PELI2: variants seen among roughly 807,000 people sequenced by gnomAD.
PELI2 encodes the protein E3 ubiquitin-protein ligase pellino homolog 2.
PELI2 carries 23 observed loss-of-function variants against 42.3 expected under a neutral mutation model. The observed-to-expected ratio is 0.54, with a 90% CI of 0.39 to 0.77. PELI2 has a LOEUF of 0.77. Ranked by LOEUF, PELI2 falls within the 30% of genes least tolerant of loss-of-function variation. The pLI, the probability that PELI2 is intolerant of heterozygous loss-of-function variation, is 0.00. For synonymous variants in PELI2, 245 were observed against 212.2 expected (o/e 1.15, Z -1.34); for missense variants, 463 against 553.2 (o/e 0.84, Z 1.64).
chr14:56,256,325 A>C (rs10146587), intron 2 of PELI2, among the ~76,000 whole-genome samples: 8 of 151,982 alleles, frequency 5.3e-5, no homozygotes, highest in African/African-American at 1.9e-4. Context: ...AGTCCCAGCT[A>C]CTCTGGAGGC....
rs1192630460 is a variant in PELI2, at chr14:56,300,420, C to T, written c.*3254C>T. ...ACTGTATTGGGAAACTTGAGGAGAA[C>T]TCTTTAGTTCATAAAGCTTCAATGT... On this transcript the variant is annotated 3_prime_UTR_variant, in exon 6 of 6. Coordinates refer to ENST00000267460, the MANE Select transcript of PELI2 (RefSeq NM_021255.3). The T allele has an allele frequency of 2.6e-5, 4 of 151,200 alleles. No homozygotes were observed. Among genetic ancestry groups the T allele is most frequent in the Non-Finnish European group, 5.9e-5 (4 of 67,848 alleles). The allele number at this position is 151,200 out of a possible 1,614,324, so 9.4% of individuals were successfully genotyped here. A position where few individuals can be genotyped will look rare whatever the true frequency, so the allele number is the denominator to read the frequency against.
intron 1 of PELI2, among the ~76,000 whole-genome samples, chr14:56,136,650 T>C (rs763490259): frequency 6.6e-6 from 1 of 152,222 alleles, no homozygotes; most frequent in Non-Finnish European, 1.5e-5. Flanking sequence ...TAGTGTAACT[T>C]AGTGAGTGTC....
At chr14:56,272,205 A>G (rs1387257390) in intron 2 of PELI2, among the ~76,000 whole-genome samples, 3 of 152,230 alleles carry the variant, frequency 2.0e-5, no homozygotes, top group Admixed American at 1.3e-4. Flanking sequence ...ATAATAGTCA[A>G]CTTCCGGGAT....
rs1436419412 is a variant in PELI2 at position 56,239,142 on chromosome 14, G to A, written c.208-40534G>A. Among the ~76,000 whole-genome samples, 3 of 152,266 alleles carry A rather than the reference G, an allele frequency of 2.0e-5. No homozygotes were observed. The East Asian group carries it at 5.8e-4, about 29-fold the overall frequency. On this transcript the variant is annotated intron_variant, in intron 2 of 5. Coordinates refer to ENST00000267460, the MANE Select transcript of PELI2 (RefSeq NM_021255.3). ...AGTATAAATTCATCTTTGTAAAAGG[G>A]CTACAATAATGAAAAACATTAATTA... is the stretch of plus-strand genomic sequence containing the variant.
chr14:56,172,811 A>C (rs1397438080), intron 1 of PELI2, among the ~76,000 whole-genome samples: 1 of 152,184 alleles, frequency 6.6e-6, no homozygotes, highest in Non-Finnish European at 1.5e-5. Context: ...CCAATGACTC[A>C]TTCTTTTCCA....
rs1247686622 is a variant in PELI2, at chr14:56,299,016, T to C, written c.*1850T>C. ...CTTTTGATTTAGCCAGAGTCTCTGA[T>C]GATTAGCTTTCACTGATAGAGTATG... On this transcript the variant is annotated 3_prime_UTR_variant, in exon 6 of 6. Transcript: ENST00000267460. 6.6e-6 allele frequency: 1 copy of C among 152,146 alleles called. No individual in the cohort carries two copies. The highest frequency in any genetic ancestry group is 6.5e-5 in the Admixed American group (1 of 15,284). The allele number at this position is 152,146 out of a possible 1,614,324, so 9.4% of individuals were successfully genotyped here. A position where few individuals can be genotyped will look rare whatever the true frequency, so the allele number is the denominator to read the frequency against.
At chr14:56,154,149 T>C (rs763173644) in intron 1 of PELI2, among the ~76,000 whole-genome samples, 4 of 152,372 alleles carry the variant, frequency 2.6e-5, no homozygotes, top group African/African-American at 9.6e-5. Flanking sequence ...GTTTTTCTTA[T>C]GCATATTAAA....
At chr14:56,214,708 T>C (rs562781899) in intron 2 of PELI2, among the ~76,000 whole-genome samples, 1 of 152,202 alleles carries the variant, frequency 6.6e-6, no homozygotes, top group Non-Finnish European at 1.5e-5. Flanking sequence ...TTGGGTGGAA[T>C]ACTGTATAGG....
intron 1 of PELI2, among the ~76,000 whole-genome samples, chr14:56,152,379 G>T (rs938115406): frequency 2.0e-5 from 3 of 152,162 alleles, no homozygotes; most frequent in Non-Finnish European, 4.4e-5. Context: ...TTGACACAAA[G>T]GAAGCATTAT....
Position 56,288,361 on chromosome 14 carries a change from A to G in PELI2, c.310-76A>G, listed in dbSNP as rs994694328. Reference sequence around the variant, plus strand: ...ATAGTGAATGTTAAAGGAATCCTGAATGCTTTTTCCTTGTGAATAAAATAC... The same window carrying G: ...ATAGTGAATGTTAAAGGAATCCTGAGTGCTTTTTCCTTGTGAATAAAATAC... On this transcript the variant is annotated intron_variant, in intron 3 of 5. Coordinates refer to ENST00000267460, the MANE Select transcript of PELI2 (RefSeq NM_021255.3). The surrounding 1 kb of genome is among the most constrained non-coding windows in gnomAD (Gnocchi z 4.6). 3 of 1,090,034 alleles carry G rather than the reference A, an allele frequency of 2.8e-6. No homozygotes were observed. The African/African-American group carries it at 4.6e-5, about 17-fold the overall frequency. 67.5% of individuals were successfully genotyped at this position (1,090,034 alleles called of 1,614,324 possible).
intron 2 of PELI2, among the ~76,000 whole-genome samples, chr14:56,255,034 G>C (rs1888478365): frequency 6.6e-6 from 1 of 152,178 alleles, no homozygotes; most frequent in African/African-American, 2.4e-5. Flanking sequence ...TTACACTGTT[G>C]GTGGGAGTGT....
chr14:56,135,854 G>C (rs1024915014), intron 1 of PELI2, among the ~76,000 whole-genome samples: 1 of 152,212 alleles, frequency 6.6e-6, no homozygotes, highest in Admixed American at 6.5e-5. Context: ...TTGGACTGTG[G>C]AAGTTTTAGG....
intron 1 of PELI2, among the ~76,000 whole-genome samples, chr14:56,157,427 G>A (rs767641887): frequency 6.6e-6 from 1 of 152,132 alleles, no homozygotes; most frequent in Non-Finnish European, 1.5e-5. Flanking sequence ...AAAGTCTTAT[G>A]AAGGGGATGA....
At chr14:56,191,067 GA>G (rs942013802) in intron 2 of PELI2, among the ~76,000 whole-genome samples, 9 of 152,190 alleles carry the variant, frequency 5.9e-5, no homozygotes, top group African/African-American at 2.2e-4. Flanking sequence ...CCCCTTTTGT[GA>G]AATCTGTGGT....
chr14:56,196,509 G>A (rs923141873), intron 2 of PELI2, among the ~76,000 whole-genome samples: 4 of 152,094 alleles, frequency 2.6e-5, no homozygotes, highest in Non-Finnish European at 5.9e-5. Context: ...TCACAGATGT[G>A]GCTGAAAGAA....
At chr14:56,210,664 C>T (rs939868866) in intron 2 of PELI2, among the ~76,000 whole-genome samples, 1 of 152,124 alleles carries the variant, frequency 6.6e-6, no homozygotes, top group Non-Finnish European at 1.5e-5. Context: ...TTGAAAGTCT[C>T]TGCAATTAAG....
chr14:56,283,933 A>G (rs980643802), intron 3 of PELI2, among the ~76,000 whole-genome samples: 2 of 152,186 alleles, frequency 1.3e-5, no homozygotes, highest in East Asian at 1.9e-4. Context: ...CCTTTTAACA[A>G]GTTTATATTT....
chr14:56,247,084 A>C (rs562671462), intron 2 of PELI2, among the ~76,000 whole-genome samples: 1 of 152,316 alleles, frequency 6.6e-6, no homozygotes, highest in Non-Finnish European at 1.5e-5. Context: ...GTTAATAAAT[A>C]TAATGGACCT....
At position 56,219,448 on chromosome 14, in the gene PELI2, G is replaced by A. The variant is rs1364720687; in HGVS notation, c.207+40984G>A. ...CATCTTTTTAACATCCTTTCCTCTCGCAGTAACTACAGCATGATTTGTTTT... is the reference window on the plus strand; with the variant it reads ...CATCTTTTTAACATCCTTTCCTCTCACAGTAACTACAGCATGATTTGTTTT... On this transcript the variant is annotated intron_variant, in intron 2 of 5. Transcript: ENST00000267460. The surrounding 1 kb of genome is among the most constrained non-coding windows in gnomAD (Gnocchi z 4.1). Among the ~76,000 whole-genome samples, 6 of 151,810 alleles carry A rather than the reference G, an allele frequency of 4.0e-5. No homozygotes were observed. The highest frequency in any genetic ancestry group is 9.7e-5 in the African/African-American group (4 of 41,310).
Sources: gnomAD v4.1 joint callset for allele counts (sites outside exome capture counted in the v4.1 genomes callset) on GRCh38, gnomAD v4.1.1 for gene constraint, Gnocchi (gnomAD v3.1) non-coding constraint, MANE v1.5 for transcripts, NCBI Gene and HGNC (gene_info 2026-07-23, HGNC 2026-07-21) for gene names.